Variants in CNTN3 observed in about 807,000 individuals in gnomAD.
CNTN3 encodes the protein contactin-3.
A neutral mutation model predicts 119.1 loss-of-function variants in CNTN3; 60 were observed. The ratio of observed to expected loss-of-function variants is 0.50; its 90% CI spans 0.41 to 0.62. The LOEUF is 0.62. Ranked by LOEUF, CNTN3 falls within the 20% of genes least tolerant of loss-of-function variation. The pLI, the probability that CNTN3 is intolerant of heterozygous loss-of-function variation, is 0.00. For synonymous variants in CNTN3, 450 were observed against 438.7 expected, an observed-to-expected ratio of 1.03 and a Z score of -0.32; for missense variants, 1,101 against 1,242.4, an observed-to-expected ratio of 0.89 and a Z score of 1.71.
At chr3:74,300,060 T>C (rs761687854) in intron 16 of CNTN3, 122 bp from the exon 17 acceptor site, 70 of 501,254 alleles carry the variant, frequency 1.4e-4, no homozygotes, top group Non-Finnish European at 2.0e-4. Flanking sequence ...GATTCATACA[T>C]ATGGGTGTTT....
chr3:74,364,325 A>C, intron 10 of CNTN3, 142 bp downstream of exon 10: 1 of 756,406 alleles, frequency 1.3e-6, no homozygotes, highest in South Asian at 2.4e-5. Flanking sequence ...TGCCTTGATT[A>C]GAAACTGAAT....
chr3:74,285,476 C>G lies in CNTN3; in HGVS notation c.2533G>C (p.Gly845Arg), dbSNP rs560799944. 1.2e-6 allele frequency: 2 copies of G among 1,611,058 alleles called. No individual in the cohort carries two copies. The highest frequency in any genetic ancestry group is 1.3e-5 in the African/African-American group (1 of 74,784). ...LLGYEVRYWN[G>R]GGKEESSSKM... is the part of the protein sequence containing the mutation. Reference sequence around the variant, plus strand: ...CTGGATGATTCCTCCTTTCCACCCCCATTCCAGTACCGCACCTGGTGGGCG... The same window carrying G: ...CTGGATGATTCCTCCTTTCCACCCCGATTCCAGTACCGCACCTGGTGGGCG... The change falls in exon 20 of 23, where the codon GGG becomes CGG. Residue 845 changes from glycine (G) to arginine (R), a missense_variant. Gly to Arg is a moderately radical substitution (Grantham distance 125, BLOSUM62 -2). Coordinates refer to ENST00000263665, the MANE Select transcript of CNTN3 (RefSeq NM_020872.3).
chr3:74,332,893 T>C (rs1311579262), intron 13 of CNTN3, among the ~76,000 whole-genome samples: 2 of 152,252 alleles, frequency 1.3e-5, no homozygotes, highest in African/African-American at 2.4e-5. Context: ...TTTATGAAAG[T>C]AACATTTTAG....
In CNTN3 at chr3:74,612,870, AGGACCTCT is replaced by A. The variant is rs544262948; in HGVS notation, c.-81+1513_-81+1520del. On this transcript the variant is annotated intron_variant, in intron 1 of 22. Coordinates refer to ENST00000263665, the MANE Select transcript of CNTN3 (RefSeq NM_020872.3). ...CAGATTTCTTTAATGAACATTCACAAGGACCTCTCCCATTGCAACCAGTGACATGCACG... is the reference window on the plus strand; with the variant it reads ...CAGATTTCTTTAATGAACATTCACAACCCATTGCAACCAGTGACATGCACG... Among the ~76,000 whole-genome samples, 170 of 152,304 alleles carry A rather than the reference AGGACCTCT, an allele frequency of 1.1e-3. 1 individual carries two copies. Among genetic ancestry groups the A allele is most frequent in the African/African-American group, 3.9e-3 (164 of 41,582 alleles).
chr3:74,350,324 G>A lies in CNTN3; in HGVS notation c.1364+11566C>T, dbSNP rs146800594. On this transcript the variant is annotated intron_variant, in intron 11 of 22. Coordinates refer to ENST00000263665, the MANE Select transcript of CNTN3 (RefSeq NM_020872.3). ...TAGCAGCCAACAAACATGAAAAAAT[G>A]CTCAACATCACTAATTATCAGAGAA... Among the ~76,000 whole-genome samples, 76 of 152,236 alleles carry A rather than the reference G, an allele frequency of 5.0e-4. No individual in the cohort carries two copies. The East Asian group carries it at 0.013, about 26-fold the overall frequency.
At chr3:74,474,825 T>C (rs1241463552) in intron 4 of CNTN3, among the ~76,000 whole-genome samples, 5 of 152,134 alleles carry the variant, frequency 3.3e-5, no homozygotes, top group Admixed American at 3.3e-4. Flanking sequence ...CTCTTGGTAT[T>C]GTCCTTGAGA....
chr3:74,366,776 G>GTATATATA (rs1416469987), intron 8 of CNTN3, among the ~76,000 whole-genome samples: 94 of 35,580 alleles, frequency 2.6e-3, no homozygotes, highest in African/African-American at 0.013. Flanking sequence ...GTGTGTGTGT[G>GTATATATA]TGTGTATATA....
At chr3:74,591,078 C>G (rs1442122466) in intron 1 of CNTN3, among the ~76,000 whole-genome samples, 1 of 151,930 alleles carries the variant, frequency 6.6e-6, no homozygotes, top group African/African-American at 2.4e-5. Context: ...ATCTTAGATT[C>G]CGGTGTAGTC....
intron 4 of CNTN3, among the ~76,000 whole-genome samples, chr3:74,460,336 T>A (rs550966684): frequency 6.6e-6 from 1 of 152,114 alleles, no homozygotes; most frequent in South Asian, 2.1e-4. Flanking sequence ...GGGATTTTGA[T>A]AGGAACTGTA....
chr3:74,423,816 C>T (rs909576000), intron 5 of CNTN3, among the ~76,000 whole-genome samples: 4 of 152,144 alleles, frequency 2.6e-5, no homozygotes, highest in African/African-American at 4.8e-5. Context: ...TCCAAGTCTG[C>T]AGTCTCCAGA....
At chr3:74,278,515 C>A (rs1013559948) in intron 20 of CNTN3, among the ~76,000 whole-genome samples, 1 of 152,184 alleles carries the variant, frequency 6.6e-6, no homozygotes, top group African/African-American at 2.4e-5. Flanking sequence ...GGAAAGGACC[C>A]CCTTTTCAAC....
At chr3:74,595,950 C>T (rs1178143583) in intron 1 of CNTN3, among the ~76,000 whole-genome samples, 1 of 151,834 alleles carries the variant, frequency 6.6e-6, no homozygotes, top group Non-Finnish European at 1.5e-5. Flanking sequence ...CCCATTGTCT[C>T]AGCCCAAAAT....
At chr3:74,603,369 C>T (rs1332131573) in intron 1 of CNTN3, among the ~76,000 whole-genome samples, 2 of 152,056 alleles carry the variant, frequency 1.3e-5, no homozygotes, top group African/African-American at 4.8e-5. Flanking sequence ...CTGGATTGGG[C>T]ACCACAGTAT....
chr3:74,611,174 A>C (rs1705076127), intron 1 of CNTN3, among the ~76,000 whole-genome samples: 1 of 152,202 alleles, frequency 6.6e-6, no homozygotes, highest in African/African-American at 2.4e-5. Context: ...AGAAATATGC[A>C]AACTCACTGA....
intron 20 of CNTN3, among the ~76,000 whole-genome samples, chr3:74,277,273 C>A (rs914679799): frequency 6.6e-6 from 1 of 152,086 alleles, no homozygotes; most frequent in Non-Finnish European, 1.5e-5. Context: ...TCTATGAAGC[C>A]AGCATCACCC....
chr3:74,372,039 AG>A (rs1704353263), intron 5 of CNTN3, among the ~76,000 whole-genome samples: 1 of 152,132 alleles, frequency 6.6e-6, no homozygotes, highest in Non-Finnish European at 1.5e-5. Flanking sequence ...CACCTCCTCA[AG>A]TGAACTCTCC....
intron 11 of CNTN3, among the ~76,000 whole-genome samples, chr3:74,347,221 G>A (rs565584681): frequency 1.1e-4 from 17 of 152,254 alleles, no homozygotes; most frequent in Admixed American, 7.9e-4. Context: ...AGAATACACA[G>A]TCTCTTTTTC....
chr3:74,533,744 TAG>T (rs1327490555), intron 1 of CNTN3, among the ~76,000 whole-genome samples: 1 of 152,036 alleles, frequency 6.6e-6, no homozygotes, highest in Non-Finnish European at 1.5e-5. Flanking sequence ...GTTCAAAGCC[TAG>T]AGAGGCATAA....
At chr3:74,393,427 A>C (rs143373177) in intron 5 of CNTN3, among the ~76,000 whole-genome samples, 1 of 152,206 alleles carries the variant, frequency 6.6e-6, no homozygotes, top group African/African-American at 2.4e-5. Flanking sequence ...AAACTTTTTA[A>C]TTTCCTCCTC....
Sources: gnomAD v4.1 joint callset for allele counts (sites outside exome capture counted in the v4.1 genomes callset) on GRCh38, gnomAD v4.1.1 for gene constraint, MANE v1.5 for transcripts, NCBI Gene and HGNC (gene_info 2026-07-23, HGNC 2026-07-21) for gene names.